LEO1: variants seen among roughly 807,000 people sequenced by gnomAD.
LEO1 encodes the protein LEO1 component of Paf1/RNA polymerase II complex.
LEO1 carries 34 observed loss-of-function variants against 80.4 expected under a neutral mutation model. The observed-to-expected ratio is 0.42, with a 90% confidence interval of 0.32 to 0.56. The LOEUF (loss-of-function observed/expected upper bound fraction) is 0.56, where lower values mean the gene tolerates loss of function less well. Ranked by LOEUF, LEO1 falls within the 20% of genes least tolerant of loss-of-function variation. The pLI is 0.10. For missense variants in LEO1, 631 were observed against 814.2 expected, an observed-to-expected ratio of 0.77 and a Z score of 2.74; for synonymous variants, 262 against 274.9, an observed-to-expected ratio of 0.95 and a Z score of 0.46.
chr15:51,947,286 T>G lies in LEO1; in HGVS notation c.1896+6A>C. The G allele has an allele frequency of 6.3e-7, 1 of 1,590,418 alleles. No homozygotes were observed. Among genetic ancestry groups the G allele is most frequent in the Non-Finnish European group, 8.6e-7 (1 of 1,158,422 alleles). The stretch of plus-strand genomic sequence containing the variant: ...AACCCCTAGAATTGAATAAATTTGG[T>G]CTTACCTCATCACTGGTAAGTTTCT... On this transcript the variant is annotated splice_donor_region_variant and intron_variant, in intron 11 of 11. Coordinates refer to ENST00000299601, the MANE Select transcript of LEO1 (RefSeq NM_138792.4).
chr15:51,960,616 G>A, intron 4 of LEO1, 23 bp downstream of exon 4: 1 of 1,365,800 alleles, frequency 7.3e-7, no homozygotes, highest in Non-Finnish European at 1.0e-6. Context: ...CCTTGAATAA[G>A]TTCATGTTAC....
chr15:51,962,264 G>A (rs962767804), intron 3 of LEO1, 125 bp downstream of exon 3: 16 of 566,126 alleles, frequency 2.8e-5, no homozygotes, highest in Non-Finnish European at 3.3e-5. Context: ...TACACTGAGC[G>A]TATCCACACT....
intron 3 of LEO1, 24 bp downstream of exon 3, chr15:51,962,365 A>C: frequency 7.1e-7 from 1 of 1,399,962 alleles, no homozygotes; most frequent in East Asian, 2.3e-5. Flanking sequence ...GGAAATATAC[A>C]TATATATATA....
At chr15:51,951,791 T>C in intron 9 of LEO1, 53 bp downstream of exon 9, 1 of 1,535,162 alleles carries the variant, frequency 6.5e-7, no homozygotes, top group Non-Finnish European at 8.9e-7. Context: ...TGGGAAATAC[T>C]TGCCTAATAT....
At position 51,943,753 on chromosome 15, in the gene LEO1, A is replaced by G. The variant is rs192384230; in HGVS notation, c.1896+3539T>C. On this transcript the variant is annotated intron_variant, in intron 11 of 11. Coordinates refer to ENST00000299601, the MANE Select transcript of LEO1 (RefSeq NM_138792.4). ...GATAACAATGTATTAGCAAGACAGA[A>G]TATCACTAAAGTGAGAGAAGTGATT... 1.2e-4 allele frequency among the ~76,000 whole-genome samples: 18 copies of G among 151,724 alleles called. No individual in the cohort carries two copies. In the East Asian group the frequency reaches 2.3e-3, roughly 20 times the overall value.
At chr15:51,954,318 G>A (rs1157593042) in intron 7 of LEO1, among the ~76,000 whole-genome samples, 163 bp downstream of exon 7, 1 of 151,848 alleles carries the variant, frequency 6.6e-6, no homozygotes, top group East Asian at 1.9e-4. Context: ...GGAGTCTGAG[G>A]CTCCACTGAG....
chr15:51,941,755 T>C (rs1428066069), intron 11 of LEO1, among the ~76,000 whole-genome samples: 1 of 152,272 alleles, frequency 6.6e-6, no homozygotes, highest in Admixed American at 6.5e-5. Context: ...ACTTAGACTC[T>C]GTTGGAAAAG....
At chr15:51,950,213 C>T (rs1008902234) in intron 9 of LEO1, among the ~76,000 whole-genome samples, 8 of 152,220 alleles carry the variant, frequency 5.3e-5, no homozygotes, top group Admixed American at 1.3e-4. Context: ...AGCCCTGACA[C>T]TAACCGGCCC....
At chr15:51,959,787 C>T in intron 5 of LEO1, 112 bp downstream of exon 5, 2 of 991,990 alleles carry the variant, frequency 2.0e-6, no homozygotes, top group Non-Finnish European at 2.9e-6. Flanking sequence ...TTCAGAGATA[C>T]ACGATCAATT....
chr15:51,971,338 G>A (rs751469093), intron 1 of LEO1, among the ~76,000 whole-genome samples: 1 of 152,110 alleles, frequency 6.6e-6, no homozygotes, highest in Non-Finnish European at 1.5e-5. Flanking sequence ...TTCAAAAACA[G>A]CCCTTACTCT....
chr15:51,968,489 C>T (rs915602898), intron 1 of LEO1, among the ~76,000 whole-genome samples: 1 of 151,424 alleles, frequency 6.6e-6, no homozygotes, highest in Non-Finnish European at 1.5e-5. Flanking sequence ...TGCAGTGAGC[C>T]GAGATCGTGC....
rs1183012118 is a variant in LEO1, at chr15:51,962,473, T to C, written c.835A>G (p.Ser279Gly). Residue 279 changes from serine (S) to glycine (G), a missense_variant, in exon 3 of 12, where the codon AGT (serine) becomes GGT (glycine). Ser to Gly is a moderately conservative substitution (Grantham distance 56, BLOSUM62 0). This residue lies in a region of LEO1 where 394 missense variants were observed against 395.6 expected (regional missense o/e 1.00). Coordinates refer to ENST00000299601, the MANE Select transcript of LEO1 (RefSeq NM_138792.4). Reference sequence around the variant, plus strand: ...TTCATTCGTAAAACTTCATCTTCACTATCACTGCCTCTTGCAGATTCTATA... The same window carrying C: ...TTCATTCGTAAAACTTCATCTTCACCATCACTGCCTCTTGCAGATTCTATA... ...HKSESARGSDSEDEVLRMKRK... is the reference protein window; with the variant it reads ...HKSESARGSDGEDEVLRMKRK... The C allele has an allele frequency of 6.2e-7, 1 of 1,612,168 alleles. No individual in the cohort carries two copies.
chr15:51,962,723 A>G (rs1216421995), intron 2 of LEO1, among the ~76,000 whole-genome samples: 1 of 152,222 alleles, frequency 6.6e-6, no homozygotes, highest in African/African-American at 2.4e-5. Context: ...CTCTATTTAT[A>G]TGACATTTCC....
chr15:51,952,184 A>G (rs1423975826), intron 8 of LEO1: 1 of 449,784 alleles, frequency 2.2e-6, no homozygotes, highest in Non-Finnish European at 3.9e-6. Context: ...TATTCCACAA[A>G]TGAAAAACAG....
At chr15:51,969,664 A>G (rs1348793113) in intron 1 of LEO1, among the ~76,000 whole-genome samples, 2 of 151,894 alleles carry the variant, frequency 1.3e-5, no homozygotes, top group African/African-American at 4.8e-5. Flanking sequence ...CAACATGACA[A>G]AACCTCATCT....
At chr15:51,968,104 A>G (rs2057092895) in intron 1 of LEO1, among the ~76,000 whole-genome samples, 1 of 152,106 alleles carries the variant, frequency 6.6e-6, no homozygotes, top group Non-Finnish European at 1.5e-5. Flanking sequence ...AATCGCTTGA[A>G]CCCAGGAGAT....
chr15:51,938,358 C>A, intron 11 of LEO1, 98 bp from the exon 12 acceptor site: 3 of 674,712 alleles, frequency 4.4e-6, no homozygotes, highest in South Asian at 3.7e-5. Context: ...CCTCTGACAA[C>A]TCAAAGTAAC....
rs552330845 is a variant in LEO1 at position 51,962,699 on chromosome 15, T to C, written c.815-206A>G. On this transcript the variant is annotated intron_variant, in intron 2 of 11. Coordinates refer to ENST00000299601, the MANE Select transcript of LEO1 (RefSeq NM_138792.4). The stretch of plus-strand genomic sequence containing the variant: ...AAAGAGGCCAATCTGAAAGACTACA[T>C]ACTTACTGTATAACTCTATTTATAT... Among the ~76,000 whole-genome samples, 303 of 152,302 alleles carry C rather than the reference T, an allele frequency of 2.0e-3. 2 individuals carry two copies. The highest frequency in any genetic ancestry group is 5.7e-4 in the Non-Finnish European group (39 of 68,026).
intron 11 of LEO1, among the ~76,000 whole-genome samples, chr15:51,938,502 C>T (rs1234910420): frequency 6.6e-6 from 1 of 152,208 alleles, no homozygotes; most frequent in Non-Finnish European, 1.5e-5. Flanking sequence ...GGGCGGGGCT[C>T]TCCCGAGGAA....
Sources: allele counts gnomAD v4.1 joint callset (sites outside exome capture counted in the v4.1 genomes callset), GRCh38; gene constraint gnomAD v4.1.1; regional missense constraint gnomAD v4.1.1; transcripts MANE v1.5; gene names NCBI Gene and HGNC (gene_info 2026-07-23, HGNC 2026-07-21).